Variants in WDR59 observed in about 807,000 individuals in gnomAD.
WDR59 encodes WD repeat domain 59.
In WDR59, 100 loss-of-function variants were observed where a neutral mutation model predicts 131.2. The ratio of observed to expected loss-of-function variants is 0.76; its 90% CI spans 0.65 to 0.90. WDR59 has a LOEUF of 0.90. Ranked by LOEUF, WDR59 falls within the 40% of genes least tolerant of loss-of-function variation. The probability of loss-of-function intolerance (pLI) is 0.00; values close to 1 mark genes in which losing one functional copy is unlikely to be tolerated. For missense variants in WDR59, 1,203 were observed against 1,262.2 expected (o/e 0.95, Z 0.71); for synonymous variants, 601 against 466.2 (o/e 1.29, Z -3.72).
At chr16:74,904,201 G>A (rs1965694150) in intron 17 of WDR59, 101 bp from the exon 18 acceptor site, 2 of 1,403,678 alleles carry the variant, frequency 1.4e-6, no homozygotes, top group African/African-American at 2.9e-5. Flanking sequence ...AAGACAAAAT[G>A]AGAAGATGGA....
intron 7 of WDR59, among the ~76,000 whole-genome samples, chr16:74,940,561 C>T (rs1597758103): frequency 6.6e-6 from 1 of 152,186 alleles, no homozygotes; most frequent in African/African-American, 2.4e-5. Context: ...ACTGTTAGCA[C>T]TGACACTGAA....
intron 18 of WDR59, among the ~76,000 whole-genome samples, chr16:74,897,264 G>C (rs1356306115): frequency 1.3e-5 from 2 of 152,180 alleles, no homozygotes; most frequent in African/African-American, 4.8e-5. Context: ...TAGCGGGGCA[G>C]GCCAGATTCA....
At chr16:74,939,852 A>G (rs1181782221) in intron 7 of WDR59, among the ~76,000 whole-genome samples, 1 of 152,050 alleles carries the variant, frequency 6.6e-6, no homozygotes, top group Non-Finnish European at 1.5e-5. Flanking sequence ...TAATTACCTC[A>G]TCATAGTGGT....
chr16:74,917,628 G>T (rs951105606), intron 11 of WDR59, among the ~76,000 whole-genome samples: 2 of 151,898 alleles, frequency 1.3e-5, no homozygotes, highest in Non-Finnish European at 2.9e-5. Flanking sequence ...GGCCAACTTG[G>T]TGAAACCCCG....
At chr16:74,916,406 C>A (rs562770693) in intron 11 of WDR59, 147 bp from the exon 12 acceptor site, 200 of 983,244 alleles carry the variant, frequency 2.0e-4, no homozygotes, top group Admixed American at 4.8e-4. Flanking sequence ...TAGATTTTAC[C>A]CATTGCCAAC....
chr16:74,915,756 A>G lies in WDR59; in HGVS notation c.1224+114T>C. On this transcript the variant is annotated intron_variant, in intron 13 of 25. Transcript: ENST00000262144. The stretch of plus-strand genomic sequence containing the variant: ...CCAGGAAATAAAAAAGCAAGCAGAG[A>G]GAGTTCTGTTAAAGCTGCAAAGCTA... 4 of 1,486,016 alleles carry G rather than the reference A, an allele frequency of 2.7e-6. No individual in the cohort carries two copies. In the South Asian group the frequency reaches 4.9e-5, roughly 18 times the overall value. The allele number at this position is 1,486,016 out of a possible 1,614,324, so 92.1% of individuals were successfully genotyped here.
chr16:74,972,544 C>A (rs1336345942), intron 1 of WDR59, among the ~76,000 whole-genome samples: 1 of 152,006 alleles, frequency 6.6e-6, no homozygotes, highest in Non-Finnish European at 1.5e-5. Flanking sequence ...GATTAAAACT[C>A]ATGTCTAGGC....
chr16:74,903,609 T>C (rs1965657979), intron 18 of WDR59, among the ~76,000 whole-genome samples: 1 of 152,106 alleles, frequency 6.6e-6, no homozygotes, highest in Non-Finnish European at 1.5e-5. Context: ...CTGAGAAACA[T>C]CAGAATACCA....
intron 17 of WDR59, among the ~76,000 whole-genome samples, chr16:74,906,065 A>G (rs1965795857): frequency 6.6e-6 from 1 of 152,022 alleles, no homozygotes; most frequent in Non-Finnish European, 1.5e-5. Flanking sequence ...CTGTAATCCC[A>G]GCACTTTGGG....
chr16:74,874,048 C>T lies in WDR59; in HGVS notation c.*161G>A, dbSNP rs1597612730. 6 of 627,350 alleles carry T rather than the reference C, an allele frequency of 9.6e-6. No individual in the cohort carries two copies. The East Asian group carries it at 1.7e-4, about 17-fold the overall frequency. 38.9% of individuals were successfully genotyped at this position (627,350 alleles called of 1,614,324 possible). A position where few individuals can be genotyped will look rare whatever the true frequency, so the allele number is the denominator to read the frequency against. On this transcript the variant is annotated 3_prime_UTR_variant, in exon 26 of 26. Transcript: ENST00000262144. ...CCAGGTGGCCAAACAGAAGAGAAGG[C>T]AGAGGCCCACCAAGAGCTGATGCTG...
At position 74,872,412 on chromosome 16, in the gene WDR59, T is replaced by C. The variant is rs1964027101; in HGVS notation, c.*1797A>G. ...GTGAAGTTGAAAATCATTCTGAAATTAGCCAGGCATGGTGGTGCACACCTG... is the reference window on the plus strand; with the variant it reads ...GTGAAGTTGAAAATCATTCTGAAATCAGCCAGGCATGGTGGTGCACACCTG... On this transcript the variant is annotated 3_prime_UTR_variant, in exon 26 of 26. Transcript: ENST00000262144. The C allele has an allele frequency of 6.6e-6, 1 of 152,002 alleles. No individual in the cohort carries two copies. The highest frequency in any genetic ancestry group is 6.6e-5 in the Admixed American group (1 of 15,254). The allele number at this position is 152,002 out of a possible 1,614,324, so 9.4% of individuals were successfully genotyped here. A position where few individuals can be genotyped will look rare whatever the true frequency, so the allele number is the denominator to read the frequency against.
rs372574431 is a variant in WDR59, at chr16:74,955,770, C to G, written c.240+705G>C. The stretch of plus-strand genomic sequence containing the variant: ...TGCCCCTGGTGAATCAGAAGAATTC[C>G]TTTAAATACTCTCCTGCCAGCCCAA... On this transcript the variant is annotated intron_variant, in intron 3 of 25. Transcript: ENST00000262144. 9.9e-5 allele frequency among the ~76,000 whole-genome samples: 15 copies of G among 152,220 alleles called. No individual in the cohort carries two copies. The South Asian group carries it at 2.3e-3, about 23-fold the overall frequency.
intron 18 of WDR59, among the ~76,000 whole-genome samples, chr16:74,895,673 CA>C (rs1965265048): frequency 6.6e-6 from 1 of 152,202 alleles, no homozygotes; most frequent in Non-Finnish European, 1.5e-5. Flanking sequence ...GTAGCCCTTC[CA>C]TTCCTACTTG....
intron 2 of WDR59, among the ~76,000 whole-genome samples, chr16:74,963,652 G>C (rs1371445382): frequency 6.6e-6 from 1 of 152,146 alleles, no homozygotes; most frequent in Non-Finnish European, 1.5e-5. Context: ...TAATACCTAG[G>C]TGATGGGTTG....
rs1597826940 is a variant in WDR59, at chr16:74,978,676, C to T, written c.54+6288G>A. On this transcript the variant is annotated intron_variant, in intron 1 of 25. Coordinates refer to ENST00000262144, the MANE Select transcript of WDR59 (RefSeq NM_030581.4). Reference sequence around the variant, plus strand: ...ATGGAAACGTTCTACATCATGATTACGGCAGTGGTTACATGACTACATCCA... The same window carrying T: ...ATGGAAACGTTCTACATCATGATTATGGCAGTGGTTACATGACTACATCCA... Among the ~76,000 whole-genome samples the T allele has an allele frequency of 3.3e-5, 5 of 152,092 alleles. No homozygotes were observed. In the South Asian group the frequency reaches 8.3e-4, roughly 25 times the overall value.
rs774787893 is a variant in WDR59 at position 74,886,055 on chromosome 16, G to A, written c.2546+215C>T. The stretch of plus-strand genomic sequence containing the variant: ...TAGCCAGTCATGGTGGCGTGTGCCT[G>A]TAATCCCAGCTACTCAGGAGGCTGA... On this transcript the variant is annotated intron_variant, in intron 24 of 25. Coordinates refer to ENST00000262144, the MANE Select transcript of WDR59 (RefSeq NM_030581.4). 2.5e-4 allele frequency: 171 copies of A among 677,906 alleles called. 1 individual carries two copies. Among genetic ancestry groups the A allele is most frequent in the Middle Eastern group, 4.2e-4 (1 of 2,402 alleles). The allele number at this position is 677,906 out of a possible 1,614,324, so 42.0% of individuals were successfully genotyped here.
At chr16:74,922,190 T>A in intron 9 of WDR59, 87 bp from the exon 10 acceptor site, 1 of 1,526,270 alleles carries the variant, frequency 6.6e-7, no homozygotes, top group Non-Finnish European at 8.9e-7. Context: ...GAATTCTTCC[T>A]AAGTAAAATA....
At chr16:74,883,905 C>T (rs2066031509) in intron 25 of WDR59, among the ~76,000 whole-genome samples, 1 of 152,184 alleles carries the variant, frequency 6.6e-6, no homozygotes, top group African/African-American at 2.4e-5. Context: ...ATCCAACCGC[C>T]TATGCAACTT....
At chr16:74,909,379 G>C (rs1342439567) in intron 16 of WDR59, 122 bp downstream of exon 16, 31 of 1,270,868 alleles carry the variant, frequency 2.4e-5, no homozygotes, top group Non-Finnish European at 2.8e-5. Context: ...TACCATGAAA[G>C]TCTCGTTTGA....
Sources: allele counts gnomAD v4.1 joint callset (sites outside exome capture counted in the v4.1 genomes callset), GRCh38; gene constraint gnomAD v4.1.1; transcripts MANE v1.5; gene names NCBI Gene and HGNC (gene_info 2026-07-23, HGNC 2026-07-21).